CECR2: variants seen among roughly 807,000 people sequenced by gnomAD.
The protein encoded by CECR2 is CECR2 histone acetyl-lysine reader, also known as chromatin remodeling regulator CECR2.
In CECR2, 30 loss-of-function variants were observed where a neutral mutation model predicts 154.5. That is an observed-to-expected ratio of 0.19 (90% CI 0.15 to 0.26). The LOEUF (loss-of-function observed/expected upper bound fraction) is 0.26. Ranked by LOEUF, CECR2 falls within the 10% of genes least tolerant of loss-of-function variation. CECR2 has a pLI of 1.00. For missense variants in CECR2, 1,743 were observed against 1,829.3 expected (o/e 0.95, Z 0.86); for synonymous variants, 725 against 683.7 (o/e 1.06, Z -0.94).
intron 1 of CECR2, among the ~76,000 whole-genome samples, chr22:17,457,020 ATATT>A (rs1272491586): frequency 6.6e-6 from 1 of 152,132 alleles, no homozygotes; most frequent in African/African-American, 2.4e-5. Flanking sequence ...ATTGGAATTT[ATATT>A]TACTAGTTTG....
rs200491307 is a variant in CECR2, at chr22:17,447,034, T to TG, written c.127-30554_127-30553insG. ...AGTGCTGAGTGGTGCGTTTACAATC[T>TG]TTTTTTTTTTTTTTTTTTGAGACAG... On this transcript the variant is annotated intron_variant, in intron 1 of 18. Transcript: ENST00000262608. Among the ~76,000 whole-genome samples, 638 of 75,356 alleles carry TG rather than the reference T, an allele frequency of 8.5e-3. 29 individuals carry two copies. The highest frequency in any genetic ancestry group is 0.044 in the African/African-American group (576 of 12,954). 49.4% of individuals were successfully genotyped at this position (75,356 alleles called of 152,430 possible). A position where few individuals can be genotyped will look rare whatever the true frequency, so the allele number is the denominator to read the frequency against.
At chr22:17,465,184 G>A (rs762608093) in intron 1 of CECR2, among the ~76,000 whole-genome samples, 13 of 151,910 alleles carry the variant, frequency 8.6e-5, no homozygotes, top group Non-Finnish European at 1.6e-4. Flanking sequence ...TTTTAGTAAA[G>A]ACGGGGTTTC....
At chr22:17,534,583 C>T (rs1257103626) in intron 9 of CECR2, among the ~76,000 whole-genome samples, 1 of 151,870 alleles carries the variant, frequency 6.6e-6, no homozygotes, top group African/African-American at 2.4e-5. Flanking sequence ...TCTCAGCTCA[C>T]TGCAAGCCCC....
chr22:17,536,900 G>A (rs1465112533), intron 9 of CECR2, among the ~76,000 whole-genome samples: 1 of 152,048 alleles, frequency 6.6e-6, no homozygotes, highest in Non-Finnish European at 1.5e-5. Flanking sequence ...GAGGAAACAG[G>A]TTCAATTAGT....
chr22:17,524,686 C>G (rs2056226880), intron 9 of CECR2, among the ~76,000 whole-genome samples: 1 of 121,242 alleles, frequency 8.2e-6, no homozygotes, highest in South Asian at 2.8e-4. Flanking sequence ...GCCACCATGC[C>G]TGGCCCTTTT....
intron 1 of CECR2, among the ~76,000 whole-genome samples, chr22:17,432,907 A>G (rs1416479477): frequency 6.6e-6 from 1 of 152,224 alleles, no homozygotes; most frequent in African/African-American, 2.4e-5. Flanking sequence ...TGGCTTTAAC[A>G]GAGACTTGTT....
At chr22:17,402,235 T>C (rs2053905147) in intron 1 of CECR2, among the ~76,000 whole-genome samples, 1 of 152,204 alleles carries the variant, frequency 6.6e-6, no homozygotes. Context: ...TTCACCTGCC[T>C]CGGCCTCCCA....
upstream of CECR2, among the ~76,000 whole-genome samples, chr22:17,366,313 G>C (rs2063001568): frequency 6.6e-6 from 1 of 152,062 alleles, no homozygotes; most frequent in African/African-American, 2.4e-5. Context: ...CTCAGCCTCC[G>C]AGTAGCTGGG....
chr22:17,499,596 C>G, intron 4 of CECR2, 47 bp downstream of exon 4: 3 of 1,527,986 alleles, frequency 2.0e-6, no homozygotes, highest in South Asian at 2.5e-5. Flanking sequence ...ATTAAAATGT[C>G]ATTAAGATTA....
intron 1 of CECR2, among the ~76,000 whole-genome samples, chr22:17,381,844 GAGTA>G (rs1323590089): frequency 6.6e-6 from 1 of 152,084 alleles, no homozygotes; most frequent in African/African-American, 2.4e-5. Context: ...GGGTCATGCT[GAGTA>G]AGTCAGTGTA....
chr22:17,382,159 G>T (rs9605270), intron 1 of CECR2, among the ~76,000 whole-genome samples: 1 of 151,752 alleles, frequency 6.6e-6, no homozygotes, highest in East Asian at 1.9e-4. Flanking sequence ...CAAAGTGCTG[G>T]GATTACAGGC....
chr22:17,524,898 C>T (rs1429483996), intron 9 of CECR2: 4 of 388,978 alleles, frequency 1.0e-5, no homozygotes, highest in South Asian at 1.7e-5. Flanking sequence ...AACTGCTGAC[C>T]TCAAATGATC....
At chr22:17,370,069 G>A (rs2063036668) in intron 1 of CECR2, among the ~76,000 whole-genome samples, 160 bp downstream of exon 1, 1 of 151,236 alleles carries the variant, frequency 6.6e-6, no homozygotes, top group African/African-American at 2.4e-5. Flanking sequence ...GAGGGCGGGC[G>A]GGGGCCGCCG....
In CECR2 at chr22:17,556,556, G is replaced by A. The variant is rs174346; in HGVS notation, c.*3716G>A. The A allele has an allele frequency of 0.53, 81,031 of 151,630 alleles. 22,261 individuals carry two copies. The highest frequency in any genetic ancestry group is 0.61 in the East Asian group (3,166 of 5,154). The allele number at this position is 151,630 out of a possible 1,614,324, so 9.4% of individuals were successfully genotyped here. ...AACAAGTTTGCAATCCATACTTCTT[G>A]GTTCAATTTTTTTTTTTAATGGACA... On this transcript the variant is annotated 3_prime_UTR_variant, in exon 19 of 19. Coordinates refer to ENST00000262608, the MANE Select transcript of CECR2 (RefSeq NM_001290047.2).
chr22:17,467,572 A>T (rs1249403953), intron 1 of CECR2, among the ~76,000 whole-genome samples: 1 of 152,124 alleles, frequency 6.6e-6, no homozygotes, highest in African/African-American at 2.4e-5. Flanking sequence ...TCACAAGGTC[A>T]GGAGTTCAAG....
At chr22:17,486,250 G>T (rs766644557) in intron 2 of CECR2, among the ~76,000 whole-genome samples, 1 of 152,230 alleles carries the variant, frequency 6.6e-6, no homozygotes, top group Non-Finnish European at 1.5e-5. Flanking sequence ...CTGAGGAAGC[G>T]AAGGCAAAAC....
intron 1 of CECR2, among the ~76,000 whole-genome samples, chr22:17,404,968 C>A (rs2053959343): frequency 6.6e-6 from 1 of 152,168 alleles, no homozygotes; most frequent in Non-Finnish European, 1.5e-5. Context: ...TCTTCTGACC[C>A]ATGATGATGG....
intron 7 of CECR2, among the ~76,000 whole-genome samples, chr22:17,509,955 G>A (rs2055912904): frequency 6.6e-6 from 1 of 152,102 alleles, no homozygotes; most frequent in African/African-American, 2.4e-5. Context: ...CTGCTGTGAT[G>A]GCCATATAAA....
At chr22:17,402,576 G>T (rs956312777) in intron 1 of CECR2, among the ~76,000 whole-genome samples, 2 of 152,084 alleles carry the variant, frequency 1.3e-5, no homozygotes, top group Non-Finnish European at 2.9e-5. Flanking sequence ...ATTGTAGTTT[G>T]CTGATCTCTT....
Sources: gnomAD v4.1 joint callset for allele counts (sites outside exome capture counted in the v4.1 genomes callset) on GRCh38, gnomAD v4.1.1 for gene constraint, MANE v1.5 for transcripts, NCBI Gene and HGNC (gene_info 2026-07-23, HGNC 2026-07-21) for gene names.